The following NRXN1 variants were observed in gnomAD, a reference collection of about 807,000 sequenced individuals.
The protein encoded by NRXN1 is neurexin-1.
A neutral mutation model predicts 150.9 loss-of-function variants in NRXN1; 39 were observed. The ratio of observed to expected loss-of-function variants is 0.26; its 90% CI spans 0.20 to 0.34. The LOEUF (loss-of-function observed/expected upper bound fraction) is 0.34. Among genes scored for constraint, NRXN1 ranks in the 10% least tolerant of loss-of-function variants. The pLI is 1.00. For synonymous variants in NRXN1, 924 were observed against 757.0 expected (o/e 1.22, Z -3.62); for missense variants, 1,815 against 1,949.9 (o/e 0.93, Z 1.30).
intron 21 of NRXN1, among the ~76,000 whole-genome samples, chr2:49,946,499 G>GT (rs1168751067): frequency 1.3e-5 from 2 of 151,954 alleles, no homozygotes; most frequent in Non-Finnish European, 2.9e-5. Context: ...TTCTTCTAGG[G>GT]TTTTTTATGG....
intron 5 of NRXN1, among the ~76,000 whole-genome samples, chr2:50,833,403 A>G (rs998799474): frequency 1.3e-5 from 2 of 152,330 alleles, no homozygotes; most frequent in African/African-American, 4.8e-5. Context: ...TGTTCTATTT[A>G]TAAATTTATC....
At position 50,079,600 on chromosome 2, in the gene NRXN1, T is replaced by A. The variant is rs79830574; in HGVS notation, c.3718+11723A>T. 2.2e-3 allele frequency among the ~76,000 whole-genome samples: 337 copies of A among 152,258 alleles called. 2 individuals are homozygous for A. Among genetic ancestry groups the A allele is most frequent in the African/African-American group, 7.9e-3 (327 of 41,574 alleles). On this transcript the variant is annotated intron_variant, in intron 19 of 22. Transcript: ENST00000401669. ...AGAATTCAGACTCTTGAATGTATATTTTTCCTATATTCTCCTAACTTCATT... is the reference window on the plus strand; with the variant it reads ...AGAATTCAGACTCTTGAATGTATATATTTCCTATATTCTCCTAACTTCATT...
intron 2 of NRXN1, among the ~76,000 whole-genome samples, chr2:50,975,918 T>G (rs981376681): frequency 2.6e-5 from 4 of 152,066 alleles, no homozygotes; most frequent in Non-Finnish European, 5.9e-5. Context: ...GATTGCTCAC[T>G]GTTAGGAAGG....
chr2:50,475,004 A>G (rs2089874092), intron 15 of NRXN1, among the ~76,000 whole-genome samples: 1 of 152,014 alleles, frequency 6.6e-6, no homozygotes, highest in Non-Finnish European at 1.5e-5. Context: ...TAGAAAAGTT[A>G]CATTTCTTGT....
At chr2:50,157,865 C>A (rs1255151983) in intron 18 of NRXN1, among the ~76,000 whole-genome samples, 1 of 151,548 alleles carries the variant, frequency 6.6e-6, no homozygotes, top group Non-Finnish European at 1.5e-5. Context: ...CTTCTGAACA[C>A]ATTGAATTTG....
rs184244734 is a variant in NRXN1, at chr2:50,936,614, A to G, written c.773-10659T>C. ...GTAAACTATGCTCAAAATGTGTAAT[A>G]TTGAAAATAATACTTAACACATGGG... On this transcript the variant is annotated intron_variant, in intron 2 of 22. Coordinates refer to ENST00000401669, the MANE Select transcript of NRXN1 (RefSeq NM_001330078.2). 3.9e-5 allele frequency among the ~76,000 whole-genome samples: 6 copies of G among 152,280 alleles called. No homozygotes were observed. In the East Asian group the frequency reaches 1.2e-3, roughly 29 times the overall value.
chr2:50,818,111 T>C (rs76766702), intron 5 of NRXN1, among the ~76,000 whole-genome samples: 2 of 48,920 alleles, frequency 4.1e-5, no homozygotes, highest in African/African-American at 1.1e-4. Context: ...AAAGACTCCA[T>C]AGCAAAAAAA....
chr2:50,562,923 C>A (rs1265441207), intron 8 of NRXN1, among the ~76,000 whole-genome samples: 1 of 151,940 alleles, frequency 6.6e-6, no homozygotes, highest in East Asian at 1.9e-4. Context: ...ATCAACCAAC[C>A]CATTAACATT....
intron 5 of NRXN1, among the ~76,000 whole-genome samples, chr2:50,827,715 C>A (rs890090873): frequency 2.0e-5 from 3 of 152,054 alleles, no homozygotes; most frequent in East Asian, 1.9e-4. Flanking sequence ...AACAAGTGAA[C>A]AAAGGTCTCT....
At chr2:50,930,502 TTATAA>T (rs1687580581) in intron 2 of NRXN1, among the ~76,000 whole-genome samples, 1 of 152,128 alleles carries the variant, frequency 6.6e-6, no homozygotes. Flanking sequence ...AGTCAACATA[TTATAA>T]TATAAATCGA....
chr2:50,096,398 TA>T, intron 18 of NRXN1, among the ~76,000 whole-genome samples: 1 of 152,354 alleles, frequency 6.6e-6, no homozygotes, highest in East Asian at 1.9e-4. Flanking sequence ...TTAAATTATA[TA>T]AGCAATAAAA....
At chr2:50,859,089 C>T (rs998533852) in intron 5 of NRXN1, among the ~76,000 whole-genome samples, 1 of 152,034 alleles carries the variant, frequency 6.6e-6, no homozygotes, top group Admixed American at 6.6e-5. Context: ...GTATTTGAAC[C>T]TAACGGCCTA....
At position 50,268,321 on chromosome 2, in the gene NRXN1, A is replaced by G. The variant is rs140144361; in HGVS notation, c.3365-31351T>C. Among the ~76,000 whole-genome samples, 43 of 152,372 alleles carry G rather than the reference A, an allele frequency of 2.8e-4. 1 individual carries two copies. The highest frequency in any genetic ancestry group is 1.0e-3 in the African/African-American group (42 of 41,596). On this transcript the variant is annotated intron_variant, in intron 17 of 22. Coordinates refer to ENST00000401669, the MANE Select transcript of NRXN1 (RefSeq NM_001330078.2). ...AAAATTGCTTTGTTCTTTAATTTTC[A>G]TAAACACATAATTTACTAGTTCCTT...
At chr2:50,808,054 T>C (rs576174150) in intron 5 of NRXN1, among the ~76,000 whole-genome samples, 1 of 152,270 alleles carries the variant, frequency 6.6e-6, no homozygotes, top group East Asian at 1.9e-4. Context: ...TTAACCCTTA[T>C]TGTGCCTTAA....
intron 2 of NRXN1, among the ~76,000 whole-genome samples, chr2:51,000,756 T>C (rs1473597359): frequency 6.6e-6 from 1 of 151,966 alleles, no homozygotes; most frequent in Non-Finnish European, 1.5e-5. Flanking sequence ...CAATATACCT[T>C]AATTCCGTAA....
chr2:50,716,943 T>C (rs556588680), intron 5 of NRXN1, among the ~76,000 whole-genome samples: 2 of 152,332 alleles, frequency 1.3e-5, no homozygotes, highest in African/African-American at 4.8e-5. Flanking sequence ...TTATTCATTA[T>C]GGCTAAATAC....
At chr2:50,717,132 G>A (rs950707076) in intron 5 of NRXN1, among the ~76,000 whole-genome samples, 1 of 151,964 alleles carries the variant, frequency 6.6e-6, no homozygotes, top group African/African-American at 2.4e-5. Flanking sequence ...TGTATCCTCT[G>A]GTGTCTAGTA....
In NRXN1 at chr2:50,473,832, G is replaced by A. The variant is rs931489682; in HGVS notation, c.3071-1361C>T. On this transcript the variant is annotated intron_variant, in intron 15 of 22. Coordinates refer to ENST00000401669, the MANE Select transcript of NRXN1 (RefSeq NM_001330078.2). Reference sequence around the variant, plus strand: ...GCAGGCACCCATTAAACAGTAATAAGCTAACCTATTAATTTGTATGTAGGG... The same window carrying A: ...GCAGGCACCCATTAAACAGTAATAAACTAACCTATTAATTTGTATGTAGGG... Among the ~76,000 whole-genome samples the A allele has an allele frequency of 3.9e-5, 6 of 152,076 alleles. No individual in the cohort carries two copies. In the South Asian group the frequency reaches 8.3e-4, roughly 21 times the overall value.
intron 8 of NRXN1, chr2:50,554,276 C>G (rs1573524381): frequency 6.6e-6 from 1 of 152,126 alleles, no homozygotes; most frequent in African/African-American, 2.4e-5. Context: ...CTGATTAGCG[C>G]TATGAAGTCA....
Sources: gnomAD v4.1 joint callset for allele counts (sites outside exome capture counted in the v4.1 genomes callset) on GRCh38, gnomAD v4.1.1 for gene constraint, MANE v1.5 for transcripts, NCBI Gene and HGNC (gene_info 2026-07-23, HGNC 2026-07-21) for gene names.